Variants in SNX25 observed in about 807,000 individuals in gnomAD.
SNX25 encodes the protein sorting nexin 25.
Under a neutral mutation model 113.7 loss-of-function variants are expected in SNX25, and 62 were observed. That is an observed-to-expected ratio of 0.55 (90% CI 0.44 to 0.67). The LOEUF (loss-of-function observed/expected upper bound fraction) is 0.67, where lower values mean the gene tolerates loss of function less well. Ranked by LOEUF, SNX25 falls within the 30% of genes least tolerant of loss-of-function variation. The probability of loss-of-function intolerance (pLI) is 0.00; values close to 1 mark genes in which losing one functional copy is unlikely to be tolerated. For synonymous variants in SNX25, 421 were observed against 436.2 expected, an observed-to-expected ratio of 0.97 and a Z score of 0.43; for missense variants, 1,014 against 1,161.0, an observed-to-expected ratio of 0.87 and a Z score of 1.84.
At chr4:185,214,116 T>C (rs2111483134) in intron 1 of SNX25, among the ~76,000 whole-genome samples, 1 of 152,132 alleles carries the variant, frequency 6.6e-6, no homozygotes, top group South Asian at 2.1e-4. Flanking sequence ...GCCTGTTATC[T>C]CCCCTTTAGC....
chr4:185,228,517 T>C (rs1218155412), intron 1 of SNX25, among the ~76,000 whole-genome samples: 3 of 151,846 alleles, frequency 2.0e-5, no homozygotes, highest in African/African-American at 7.3e-5. Context: ...TATGATAACG[T>C]GTAGAGGATA....
rs1561049182 is a variant in SNX25 at position 185,353,551 on chromosome 4, T to C, written c.2533T>C (p.Leu845=). Residue 845 remains leucine, a synonymous_variant, in exon 15 of 19, where the codon TTG becomes CTG. Transcript: ENST00000652585. ...GDDVDGRKDA[L]AEPCFMLIGE... ...TGATGTGGATGGGAGGAAAGACGCC[T>C]TGGCTGAACCATGTTTCATGTTGAT... 3 of 1,614,110 alleles carry C rather than the reference T, an allele frequency of 1.9e-6. No individual in the cohort carries two copies. The highest frequency in any genetic ancestry group is 2.5e-6 in the Non-Finnish European group (3 of 1,180,042).
chr4:185,240,289 C>T (rs938198208), intron 1 of SNX25, among the ~76,000 whole-genome samples: 3 of 152,216 alleles, frequency 2.0e-5, no homozygotes, highest in African/African-American at 4.8e-5. Flanking sequence ...GAGTACACCT[C>T]CCAGATGGGG....
At chr4:185,235,372 C>T (rs1322932002) in intron 1 of SNX25, among the ~76,000 whole-genome samples, 1 of 152,240 alleles carries the variant, frequency 6.6e-6, no homozygotes, top group Non-Finnish European at 1.5e-5. Context: ...CCTGTGCCTT[C>T]ACACTGCCTC....
intron 5 of SNX25, among the ~76,000 whole-genome samples, chr4:185,267,404 G>A (rs1045382802): frequency 1.4e-5 from 2 of 147,310 alleles, no homozygotes; most frequent in Admixed American, 6.7e-5. Context: ...GCTCCCCACC[G>A]CCCCCACCCC....
intron 8 of SNX25, among the ~76,000 whole-genome samples, chr4:185,322,161 G>A (rs558110065): frequency 3.9e-5 from 6 of 152,280 alleles, no homozygotes; most frequent in South Asian, 2.1e-4. Context: ...GGCTGGATGC[G>A]GTGGCTCACG....
chr4:185,264,920 G>C (rs1472366610), intron 4 of SNX25, among the ~76,000 whole-genome samples: 1 of 151,924 alleles, frequency 6.6e-6, no homozygotes, highest in Non-Finnish European at 1.5e-5. Flanking sequence ...GAAAGTATGT[G>C]TATGTGTGTA....
At chr4:185,252,271 C>T (rs534165458) in intron 2 of SNX25, among the ~76,000 whole-genome samples, 1 of 152,218 alleles carries the variant, frequency 6.6e-6, no homozygotes, top group South Asian at 2.1e-4. Context: ...GTTTCATCAG[C>T]ATGTAGAAAA....
chr4:185,362,494 C>G, intron 17 of SNX25, 117 bp from the exon 18 acceptor site: 1 of 1,186,204 alleles, frequency 8.4e-7, no homozygotes, highest in Non-Finnish European at 1.2e-6. Context: ...ATTCATGTTT[C>G]TCATGCCTCC....
chr4:185,319,091 A>T (rs1288531), intron 7 of SNX25, among the ~76,000 whole-genome samples: 8,457 of 46,782 alleles, frequency 0.18, 384 homozygotes, highest in East Asian at 0.37. Context: ...ATTTTATTTT[A>T]TTTTTTTTAT....
At chr4:185,352,138 T>A (rs2095318509) in intron 14 of SNX25, among the ~76,000 whole-genome samples, 1 of 152,172 alleles carries the variant, frequency 6.6e-6, no homozygotes, top group Non-Finnish European at 1.5e-5. Context: ...CAATGGTATG[T>A]GGATAAGGGA....
chr4:185,369,322 A>G (rs971431041), intron 11 of SNX25, among the ~76,000 whole-genome samples: 1 of 149,644 alleles, frequency 6.7e-6, no homozygotes, highest in African/African-American at 2.5e-5. Flanking sequence ...GGTTGAAGCA[A>G]TTCTCCTGCC....
chr4:185,310,388 T>A (rs1219717259), intron 6 of SNX25, among the ~76,000 whole-genome samples: 3 of 152,110 alleles, frequency 2.0e-5, no homozygotes, highest in Non-Finnish European at 4.4e-5. Flanking sequence ...GTACAGAGGT[T>A]TTTTTAAAAA....
downstream of SNX25, chr4:185,374,014 T>C (rs546700099): frequency 3.8e-6 from 3 of 791,912 alleles, no homozygotes; most frequent in Non-Finnish European, 4.0e-6. Flanking sequence ...ATGCTTTCTT[T>C]ACATTTAAAG....
At position 185,332,577 on chromosome 4, in the gene SNX25, A is replaced by G; in HGVS notation, c.1750-18A>G. 1.3e-6 allele frequency: 2 copies of G among 1,597,108 alleles called. No individual in the cohort carries two copies. The highest frequency in any genetic ancestry group is 8.5e-7 in the Non-Finnish European group (1 of 1,171,292). On this transcript the variant is annotated intron_variant, in intron 9 of 18. Coordinates refer to ENST00000652585, the MANE Select transcript of SNX25 (RefSeq NM_001378034.2). ...TTCTATCATTATAAGATATGGTGGT[A>G]TGTGACTCTCCCCCTAGGGCCCAAG...
chr4:185,299,292 TG>T (rs1222166486), intron 6 of SNX25, among the ~76,000 whole-genome samples: 2 of 152,174 alleles, frequency 1.3e-5, no homozygotes, highest in African/African-American at 4.8e-5. Flanking sequence ...CATGTGCTCG[TG>T]CTTGATATGC....
intron 1 of SNX25, 76 bp from the exon 2 acceptor site, chr4:185,247,218 C>A: frequency 1.0e-6 from 1 of 965,698 alleles, no homozygotes; most frequent in Non-Finnish European, 1.6e-6. Flanking sequence ...GATGGCATTT[C>A]ATACCTTTGA....
chr4:185,375,765 G>T, the SNX25 span: 1 of 1,388,640 alleles, frequency 7.2e-7, no homozygotes, highest in Non-Finnish European at 1.0e-6. Flanking sequence ...TTTTTATTAT[G>T]ATCTTAAAGT....
chr4:185,292,442 G>A (rs891944823), intron 6 of SNX25, among the ~76,000 whole-genome samples: 5 of 152,142 alleles, frequency 3.3e-5, no homozygotes, highest in African/African-American at 7.2e-5. Flanking sequence ...CTTGTCACCC[G>A]GGCTGGAGGG....
Sources: gnomAD v4.1 joint callset for allele counts (sites outside exome capture counted in the v4.1 genomes callset) on GRCh38, gnomAD v4.1.1 for gene constraint, MANE v1.5 for transcripts, NCBI Gene and HGNC (gene_info 2026-07-23, HGNC 2026-07-21) for gene names.